SGCZ: variants seen among roughly 807,000 people sequenced by gnomAD.
The protein encoded by SGCZ is zeta-sarcoglycan.
A neutral mutation model predicts 41.3 loss-of-function variants in SGCZ; 40 were observed. The observed-to-expected ratio is 0.97, with a 90% CI of 0.75 to 1.26. The LOEUF (loss-of-function observed/expected upper bound fraction) is 1.26, where lower values mean the gene tolerates loss of function less well. SGCZ is among the 50% of genes most tolerant of loss of function. The pLI is 0.00. For missense variants in SGCZ, 552 were observed against 369.8 expected, an observed-to-expected ratio of 1.49 and a Z score of -4.04; for synonymous variants, 206 against 137.5, an observed-to-expected ratio of 1.50 and a Z score of -3.49.
At chr8:14,199,592 G>A (rs1190181742) in intron 4 of SGCZ, among the ~76,000 whole-genome samples, 1 of 151,996 alleles carries the variant, frequency 6.6e-6, no homozygotes, top group Non-Finnish European at 1.5e-5. Context: ...GGCTCGGGGG[G>A]CATCACGGAA....
At chr8:14,522,625 G>C (rs541765161) in intron 2 of SGCZ, among the ~76,000 whole-genome samples, 76 of 151,524 alleles carry the variant, frequency 5.0e-4, no homozygotes, top group Non-Finnish European at 7.5e-4. Flanking sequence ...TTTTTGGACA[G>C]TCTTCTTAGA....
chr8:14,404,029 A>AG (rs1009190746), intron 2 of SGCZ, among the ~76,000 whole-genome samples: 2 of 152,120 alleles, frequency 1.3e-5, no homozygotes, highest in African/African-American at 4.8e-5. Flanking sequence ...AAGATGGAGG[A>AG]GGGGGGCCAA....
chr8:14,181,951 A>G (rs1028681061), intron 4 of SGCZ, among the ~76,000 whole-genome samples: 2 of 152,154 alleles, frequency 1.3e-5, no homozygotes, highest in African/African-American at 4.8e-5. Context: ...AGTTAACCCA[A>G]TTAGGTTTCT....
chr8:14,974,826 T>A (rs1462958116), intron 1 of SGCZ, among the ~76,000 whole-genome samples: 2 of 140,614 alleles, frequency 1.4e-5, no homozygotes, highest in African/African-American at 2.7e-5. Context: ...TTCAACTGGG[T>A]GAAAACATAA....
intron 1 of SGCZ, among the ~76,000 whole-genome samples, chr8:14,686,878 G>A (rs1808627785): frequency 6.6e-6 from 1 of 151,868 alleles, no homozygotes; most frequent in Non-Finnish European, 1.5e-5. Flanking sequence ...GCAGCACAAG[G>A]GATAAACGAA....
In SGCZ at chr8:14,691,301, G is replaced by C. The variant is rs774549038; in HGVS notation, c.40-136375C>G. 2.7e-4 allele frequency among the ~76,000 whole-genome samples: 41 copies of C among 152,012 alleles called. 1 individual carries two copies. The highest frequency in any genetic ancestry group is 2.5e-3 in the Admixed American group (38 of 15,254). The stretch of plus-strand genomic sequence containing the variant: ...CTTTGAAATTTTAAATAAAATGTTG[G>C]AATATTTATTTTAGATAGTTTAAAG... On this transcript the variant is annotated intron_variant, in intron 1 of 7. Coordinates refer to ENST00000382080, the MANE Select transcript of SGCZ (RefSeq NM_139167.4).
chr8:14,618,271 T>C (rs1315155226), intron 1 of SGCZ, among the ~76,000 whole-genome samples: 1 of 152,108 alleles, frequency 6.6e-6, no homozygotes, highest in African/African-American at 2.4e-5. Context: ...AGGAAAGAAA[T>C]AGAGCAGAAT....
At position 14,137,492 on chromosome 8, in the gene SGCZ, G is replaced by A. The variant is rs184863421; in HGVS notation, c.547+27088C>T. Among the ~76,000 whole-genome samples the A allele has an allele frequency of 2.9e-3, 442 of 152,292 alleles. 2 individuals are homozygous for A. Among genetic ancestry groups the A allele is most frequent in the Non-Finnish European group, 4.9e-3 (336 of 68,030 alleles). ...GTGTAGAGAAGGCCTTAAATGACCT[G>A]ATGGAGCTGAAACAATGGCATGAGA... On this transcript the variant is annotated intron_variant, in intron 5 of 7. Coordinates refer to ENST00000382080, the MANE Select transcript of SGCZ (RefSeq NM_139167.4).
chr8:14,741,272 A>C lies in SGCZ; in HGVS notation c.40-186346T>G, dbSNP rs558634369. 6.6e-5 allele frequency among the ~76,000 whole-genome samples: 10 copies of C among 152,190 alleles called. No homozygotes were observed. The South Asian group carries it at 1.7e-3, about 25-fold the overall frequency. ...TTGGAGCAATAACCGTATTAACATA[A>C]TTGACATCTACAAAAATTAAGCCCA... is the stretch of plus-strand genomic sequence containing the variant. On this transcript the variant is annotated intron_variant, in intron 1 of 7. Transcript: ENST00000382080.
rs372693160 is a variant in SGCZ at position 14,179,736 on chromosome 8, C to T, written c.425-15034G>A. On this transcript the variant is annotated intron_variant, in intron 4 of 7. Transcript: ENST00000382080. ...AGACATGTAACATACTCTAAGCTGT[C>T]ACTGGTAACATGGCACACAGCAGCC... Among the ~76,000 whole-genome samples the T allele has an allele frequency of 2.6e-5, 4 of 152,292 alleles. No individual in the cohort carries two copies. In the South Asian group the frequency reaches 6.2e-4, roughly 24 times the overall value.
At chr8:15,011,558 T>G (rs1056931220) in intron 1 of SGCZ, among the ~76,000 whole-genome samples, 1 of 152,308 alleles carries the variant, frequency 6.6e-6, no homozygotes, top group East Asian at 1.9e-4. Context: ...CTGCAGATTA[T>G]AAGATAGTTT....
intron 1 of SGCZ, among the ~76,000 whole-genome samples, chr8:15,153,095 T>G (rs555017791): frequency 1.3e-5 from 2 of 152,320 alleles, no homozygotes; most frequent in Admixed American, 1.3e-4. Flanking sequence ...AGAAAATCAT[T>G]TGAGAGACTA....
At chr8:15,095,593 AT>A (rs199642928) in intron 1 of SGCZ, among the ~76,000 whole-genome samples, 4 of 151,352 alleles carry the variant, frequency 2.6e-5, no homozygotes, top group East Asian at 1.9e-4. Flanking sequence ...AGGGTTTCAG[AT>A]TTTTTTTTAT....
At chr8:14,260,152 A>G (rs1033604928) in intron 3 of SGCZ, among the ~76,000 whole-genome samples, 2 of 152,158 alleles carry the variant, frequency 1.3e-5, no homozygotes, top group Admixed American at 1.3e-4. Flanking sequence ...CATCAGAGTG[A>G]ACAGGCAACC....
intron 1 of SGCZ, among the ~76,000 whole-genome samples, chr8:14,976,147 G>C (rs1801471778): frequency 6.6e-6 from 1 of 151,598 alleles, no homozygotes. Context: ...CCCAGCCTCA[G>C]AAGTAGCTGG....
At chr8:14,284,275 C>A (rs1800544693) in intron 3 of SGCZ, among the ~76,000 whole-genome samples, 1 of 152,268 alleles carries the variant, frequency 6.6e-6, no homozygotes, top group East Asian at 1.9e-4. Context: ...AGCTTTTGAT[C>A]TCAGATACTC....
In SGCZ at chr8:15,018,021, C is replaced by T. The variant is rs576069936; in HGVS notation, c.39+219564G>A. Among the ~76,000 whole-genome samples, 211 of 152,260 alleles carry T rather than the reference C, an allele frequency of 1.4e-3. 1 individual carries two copies. Among genetic ancestry groups the T allele is most frequent in the Middle Eastern group, 6.8e-3 (2 of 294 alleles). ...CTGGAGTTACAGGTGTGAGCCACTG[C>T]GCCTGGCTCAAAGTCAAAGCTGTAT... On this transcript the variant is annotated intron_variant, in intron 1 of 7. Coordinates refer to ENST00000382080, the MANE Select transcript of SGCZ (RefSeq NM_139167.4).
At chr8:14,986,736 G>C (rs1298162892) in intron 1 of SGCZ, among the ~76,000 whole-genome samples, 4 of 151,910 alleles carry the variant, frequency 2.6e-5, no homozygotes, top group Non-Finnish European at 5.9e-5. Context: ...CTCCTGACCT[G>C]GTTCTTCTCC....
chr8:14,973,737 A>C (rs1206007801), intron 1 of SGCZ, among the ~76,000 whole-genome samples: 1 of 152,162 alleles, frequency 6.6e-6, no homozygotes, highest in Non-Finnish European at 1.5e-5. Context: ...ACATTTGATA[A>C]AGGGTATTTT....
Sources: allele counts gnomAD v4.1 joint callset (sites outside exome capture counted in the v4.1 genomes callset), GRCh38; gene constraint gnomAD v4.1.1; transcripts MANE v1.5; gene names NCBI Gene and HGNC (gene_info 2026-07-23, HGNC 2026-07-21).